Variants in EVI5 observed in about 807,000 individuals in gnomAD.
EVI5 encodes the protein ecotropic viral integration site 5.
EVI5 carries 73 observed loss-of-function variants against 112.0 expected under a neutral mutation model. The observed-to-expected ratio is 0.65, with a 90% confidence interval of 0.54 to 0.79. The LOEUF is 0.79. EVI5 is among the 30% of genes least tolerant of loss of function. The probability of loss-of-function intolerance (pLI) is 0.00; values close to 1 mark genes in which losing one functional copy is unlikely to be tolerated. For missense variants in EVI5, 900 were observed against 968.8 expected, an observed-to-expected ratio of 0.93 and a Z score of 0.94; for synonymous variants, 305 against 319.9, an observed-to-expected ratio of 0.95 and a Z score of 0.50.
At chr1:92,619,765 A>T (rs1262717303) in intron 16 of EVI5, among the ~76,000 whole-genome samples, 1 of 151,904 alleles carries the variant, frequency 6.6e-6, no homozygotes, top group Admixed American at 6.6e-5. Flanking sequence ...AAAAAAAAAA[A>T]ATTTTTTTTT....
intron 18 of EVI5, among the ~76,000 whole-genome samples, chr1:92,573,773 A>C (rs976583064): frequency 6.6e-6 from 1 of 152,094 alleles, no homozygotes; most frequent in African/African-American, 2.4e-5. Flanking sequence ...CCAGCTCTCA[A>C]GCAGAAAATA....
chr1:92,747,948 C>T (rs1347570465), intron 1 of EVI5, among the ~76,000 whole-genome samples: 1 of 152,086 alleles, frequency 6.6e-6, no homozygotes, highest in Non-Finnish European at 1.5e-5. Flanking sequence ...GATCACATGA[C>T]ATTCTCCCCT....
intron 2 of EVI5, among the ~76,000 whole-genome samples, chr1:92,725,350 G>T (rs546798974): frequency 6.6e-6 from 1 of 152,218 alleles, no homozygotes; most frequent in South Asian, 2.1e-4. Context: ...GCCTCAGTAG[G>T]GGGGAATAAT....
At chr1:92,572,995 G>T (rs1670545574) in intron 18 of EVI5, among the ~76,000 whole-genome samples, 1 of 151,976 alleles carries the variant, frequency 6.6e-6, no homozygotes, top group South Asian at 2.1e-4. Flanking sequence ...AGCTATATAA[G>T]CCAATAAATC....
intron 5 of EVI5, 139 bp from the exon 6 acceptor site, chr1:92,698,124 T>G (rs757222222): frequency 5.5e-6 from 4 of 729,340 alleles, no homozygotes; most frequent in Admixed American, 2.6e-5. Context: ...AGCAATGAGG[T>G]AAGAATCAGA....
At chr1:92,584,361 T>C (rs1014366366) in intron 18 of EVI5, among the ~76,000 whole-genome samples, 2 of 152,198 alleles carry the variant, frequency 1.3e-5, no homozygotes, top group Admixed American at 6.5e-5. Flanking sequence ...AAGTTCTACA[T>C]TGATATTTTC....
chr1:92,584,020 T>C (rs1672385075), intron 18 of EVI5, among the ~76,000 whole-genome samples: 2 of 152,112 alleles, frequency 1.3e-5, no homozygotes, highest in Admixed American at 6.5e-5. Flanking sequence ...CCGGGAGTAG[T>C]ATTACAGAAG....
At chr1:92,562,348 T>G (rs925457281) in intron 19 of EVI5, among the ~76,000 whole-genome samples, 13 of 151,930 alleles carry the variant, frequency 8.6e-5, no homozygotes, top group Admixed American at 2.0e-4. Flanking sequence ...GCTAACACAG[T>G]GAAACCCCGT....
At chr1:92,565,584 G>A (rs1669310049) in intron 18 of EVI5, among the ~76,000 whole-genome samples, 2 of 152,116 alleles carry the variant, frequency 1.3e-5, no homozygotes, top group African/African-American at 4.8e-5. Flanking sequence ...AACATCCTCT[G>A]ACTTAGTCCT....
At chr1:92,550,804 AT>A (rs1666762028) in intron 19 of EVI5, among the ~76,000 whole-genome samples, 1 of 109,822 alleles carries the variant, frequency 9.1e-6, no homozygotes, top group African/African-American at 3.7e-5. Flanking sequence ...ATATATATAT[AT>A]ATATATATAA....
chr1:92,664,008 G>A (rs759750150), intron 11 of EVI5, among the ~76,000 whole-genome samples: 7 of 152,244 alleles, frequency 4.6e-5, no homozygotes, highest in African/African-American at 7.2e-5. Context: ...TCAGCCTCCC[G>A]AAGTGCGGGG....
chr1:92,641,900 G>A (rs966763381), intron 13 of EVI5, among the ~76,000 whole-genome samples: 10 of 152,196 alleles, frequency 6.6e-5, no homozygotes, highest in African/African-American at 1.4e-4. Context: ...AGCACTTTAG[G>A]AGGCTGAGGC....
rs773079674 is a variant in EVI5 at position 92,693,817 on chromosome 1, G to C, written c.1082C>G (p.Ser361Ter). 2 of 1,570,890 alleles carry C rather than the reference G, an allele frequency of 1.3e-6. No homozygotes were observed. Among genetic ancestry groups the C allele is most frequent in the Non-Finnish European group, 1.7e-6 (2 of 1,148,666 alleles). The change falls in exon 9 of 20, where the codon TCA (serine) becomes TGA (stop). Residue 361 changes from serine (S) to a stop codon, truncating the protein, a stop_gained. Transcript: ENST00000684568. LOFTEE classifies it high-confidence loss of function. ...IQAAYQVKYNSKKMKKLEKEY... is the reference protein window; with the variant it reads ...IQAAYQVKYN ...AAATACTTACTTTTTCATTTTTTTTGAATTGTATTTGACTTGGTAAGCTGC... is the reference window on the plus strand; with the variant it reads ...AAATACTTACTTTTTCATTTTTTTTCAATTGTATTTGACTTGGTAAGCTGC...
At chr1:92,526,950 G>A (rs1661976706) in intron 19 of EVI5, among the ~76,000 whole-genome samples, 1 of 152,114 alleles carries the variant, frequency 6.6e-6, no homozygotes, top group Admixed American at 6.6e-5. Context: ...GGTGTTGAAG[G>A]GGCATACGGT....
At position 92,727,842 on chromosome 1, in the gene EVI5, C is replaced by T. The variant is rs116512465; in HGVS notation, c.149+8556G>A. On this transcript the variant is annotated intron_variant, in intron 2 of 19. Transcript: ENST00000684568. ...AACAGCCTGGGCAACATAGTGGGAC[C>T]CCATCTCTTAAAAAAATAATAAAAT... 4.7e-3 allele frequency among the ~76,000 whole-genome samples: 705 copies of T among 151,530 alleles called. 4 individuals carry two copies. Among genetic ancestry groups the T allele is most frequent in the African/African-American group, 0.017 (684 of 41,312 alleles).
rs114070549 is a variant in EVI5, at chr1:92,571,109, G to T, written c.2071-7372C>A. On this transcript the variant is annotated intron_variant, in intron 18 of 19. Coordinates refer to ENST00000684568, the MANE Select transcript of EVI5 (RefSeq NM_001350197.2). ...TAAAGCTTAATGTTGGGTTTCTTCCGCAAAACTTTTACAAACAAAAAGTTG... is the reference window on the plus strand; with the variant it reads ...TAAAGCTTAATGTTGGGTTTCTTCCTCAAAACTTTTACAAACAAAAAGTTG... Among the ~76,000 whole-genome samples, 1,269 of 150,446 alleles carry T rather than the reference G, an allele frequency of 8.4e-3. 18 individuals carry two copies. Among genetic ancestry groups the T allele is most frequent in the Middle Eastern group, 0.024 (7 of 294 alleles).
chr1:92,537,226 G>A (rs904725869), intron 19 of EVI5, among the ~76,000 whole-genome samples: 4 of 152,126 alleles, frequency 2.6e-5, no homozygotes, highest in African/African-American at 9.7e-5. Context: ...GTGACACCAA[G>A]TGAACTGCAA....
At chr1:92,646,566 T>C (rs1661005751) in intron 13 of EVI5, among the ~76,000 whole-genome samples, 1 of 152,142 alleles carries the variant, frequency 6.6e-6, no homozygotes, top group Non-Finnish European at 1.5e-5. Flanking sequence ...AAAGGCATTG[T>C]CCCCCACAGG....
intron 1 of EVI5, among the ~76,000 whole-genome samples, chr1:92,752,991 A>G (rs1269439861): frequency 6.6e-6 from 1 of 152,206 alleles, no homozygotes; most frequent in Non-Finnish European, 1.5e-5. Flanking sequence ...AAATAAATGC[A>G]GAGAAGGATA....
Sources: allele counts gnomAD v4.1 joint callset (sites outside exome capture counted in the v4.1 genomes callset), GRCh38; gene constraint gnomAD v4.1.1; transcripts MANE v1.5; gene names NCBI Gene and HGNC (gene_info 2026-07-23, HGNC 2026-07-21).